DCAF6: variants seen among roughly 807,000 people sequenced by gnomAD.
The protein encoded by DCAF6 is DDB1 and CUL4 associated factor 6, also known as DDB1- and CUL4-associated factor 6.
DCAF6 carries 54 observed loss-of-function variants against 125.1 expected under a neutral mutation model. The observed-to-expected ratio is 0.43, with a 90% CI of 0.35 to 0.54. The LOEUF (loss-of-function observed/expected upper bound fraction) is 0.54. DCAF6 is among the 20% of genes least tolerant of loss of function. The probability of loss-of-function intolerance (pLI) is 0.01; values close to 1 mark genes in which losing one functional copy is unlikely to be tolerated. For synonymous variants in DCAF6, 371 were observed against 390.4 expected (o/e 0.95, Z 0.58); for missense variants, 934 against 1,161.7 (o/e 0.80, Z 2.85).
chr1:168,060,515 G>T (rs1691457874), intron 17 of DCAF6, among the ~76,000 whole-genome samples: 1 of 152,158 alleles, frequency 6.6e-6, no homozygotes, highest in African/African-American at 2.4e-5. Context: ...GAACATTTAT[G>T]CTTTGATACA....
chr1:168,005,541 A>G (rs865990861), intron 10 of DCAF6, among the ~76,000 whole-genome samples: 8 of 152,112 alleles, frequency 5.3e-5, no homozygotes, highest in Admixed American at 1.3e-4. Context: ...AACCAATAAG[A>G]TATTTATTCA....
At chr1:168,012,610 AT>A (rs1354781753) in intron 10 of DCAF6, among the ~76,000 whole-genome samples, 1 of 152,198 alleles carries the variant, frequency 6.6e-6, no homozygotes, top group East Asian at 1.9e-4. Flanking sequence ...CTGCTTTAAA[AT>A]TTCAAGCTGC....
chr1:168,065,200 A>C (rs1692169993), intron 18 of DCAF6, among the ~76,000 whole-genome samples: 2 of 152,196 alleles, frequency 1.3e-5, no homozygotes, highest in Non-Finnish European at 2.9e-5. Flanking sequence ...TAAATATAGT[A>C]TTGAACAAAG....
At chr1:167,965,236 C>T (rs1398851036) in intron 2 of DCAF6, among the ~76,000 whole-genome samples, 2 of 152,150 alleles carry the variant, frequency 1.3e-5, no homozygotes, top group South Asian at 2.1e-4. Flanking sequence ...AGAGCCTATA[C>T]GTCTGAACTG....
chr1:168,035,062 A>G lies in DCAF6; in HGVS notation c.1610-3309A>G, dbSNP rs369995569. On this transcript the variant is annotated intron_variant, in intron 12 of 21. Coordinates refer to ENST00000367840, the MANE Select transcript of DCAF6 (RefSeq NM_001198956.2). ...GAGAAAATGTAACCTGATAGGTTGT[A>G]TATGACCAAGCAAACTAGAATTAAA... Among the ~76,000 whole-genome samples the G allele has an allele frequency of 1.2e-4, 19 of 152,358 alleles. No individual in the cohort carries two copies. The East Asian group carries it at 1.3e-3, about 11-fold the overall frequency.
chr1:167,945,748 C>T (rs1353860305), intron 1 of DCAF6, among the ~76,000 whole-genome samples: 1 of 151,482 alleles, frequency 6.6e-6, no homozygotes, highest in Non-Finnish European at 1.5e-5. Context: ...GATCCACCCA[C>T]CTTGGCCTCC....
chr1:167,996,357 A>G (rs1005415886), intron 7 of DCAF6, among the ~76,000 whole-genome samples: 2 of 150,768 alleles, frequency 1.3e-5, no homozygotes, highest in Non-Finnish European at 3.0e-5. Context: ...TCATTCTTTC[A>G]TTTTCTTCTG....
At chr1:168,037,241 G>T (rs952338377) in intron 12 of DCAF6, among the ~76,000 whole-genome samples, 2 of 151,316 alleles carry the variant, frequency 1.3e-5, no homozygotes, top group Admixed American at 6.6e-5. Context: ...AATGAAAAAA[G>T]ATATAAGTCC....
At chr1:168,050,066 G>GAA (rs5778564) in intron 16 of DCAF6, among the ~76,000 whole-genome samples, 1,704 of 144,170 alleles carry the variant, frequency 0.012, 38 homozygotes, top group African/African-American at 0.038. Flanking sequence ...ATTACTCTCT[G>GAA]AAAAAAAAAA....
Position 168,004,412 on chromosome 1 carries a change from A to G in DCAF6, c.1118-121A>G, listed in dbSNP as rs1434892988. ...ATGGGCCAAATCACCAGTAGTTATT[A>G]TCACTGAAATTATATATTTGTGTGT... On this transcript the variant is annotated intron_variant, in intron 9 of 21. Coordinates refer to ENST00000367840, the MANE Select transcript of DCAF6 (RefSeq NM_001198956.2). The G allele has an allele frequency of 5.3e-6, 6 of 1,123,258 alleles. No homozygotes were observed. In the East Asian group the frequency reaches 9.6e-5, roughly 18 times the overall value. 69.6% of individuals were successfully genotyped at this position (1,123,258 alleles called of 1,614,324 possible). A position where few individuals can be genotyped will look rare whatever the true frequency, so the allele number is the denominator to read the frequency against.
chr1:167,914,748 C>A, the DCAF6 span, among the ~76,000 whole-genome samples: 2 of 152,144 alleles, frequency 1.3e-5, no homozygotes, highest in African/African-American at 2.4e-5. Context: ...TTATGTATAT[C>A]ATCACAACCA....
chr1:167,894,853 T>A, the DCAF6 span, among the ~76,000 whole-genome samples: 1 of 152,158 alleles, frequency 6.6e-6, no homozygotes, highest in African/African-American at 2.4e-5. Flanking sequence ...ATTCAACCAA[T>A]GAAATCCTGC....
At chr1:167,870,377 G>A in the DCAF6 span, 2 of 1,611,228 alleles carry the variant, frequency 1.2e-6, no homozygotes, top group Non-Finnish European at 1.7e-6. Context: ...TTTCTTCATA[G>A]TATACATGAA....
intron 10 of DCAF6, among the ~76,000 whole-genome samples, chr1:168,008,550 C>T (rs1366858888): frequency 2.0e-5 from 3 of 152,064 alleles, no homozygotes; most frequent in Non-Finnish European, 4.4e-5. Flanking sequence ...ATGTATTCTC[C>T]ATGCAGGAGC....
intron 4 of DCAF6, among the ~76,000 whole-genome samples, chr1:167,987,054 T>C (rs1265680647): frequency 6.6e-6 from 1 of 152,342 alleles, no homozygotes; most frequent in South Asian, 2.1e-4. Flanking sequence ...AGGTGAGTTA[T>C]GCACTTAAAT....
chr1:168,049,413 G>T (rs55637346), intron 16 of DCAF6, among the ~76,000 whole-genome samples: 3,691 of 97,342 alleles, frequency 0.038, 168 homozygotes, highest in African/African-American at 0.13. Flanking sequence ...CTGCTAATTT[G>T]TTGTTGTTGT....
At chr1:167,879,989 G>A in the DCAF6 span, 4 of 806,492 alleles carry the variant, frequency 5.0e-6, no homozygotes, top group East Asian at 1.1e-4. Flanking sequence ...GCTCCATCTG[G>A]AAGACTCTAA....
chr1:168,000,935 A>G (rs1210593137), intron 7 of DCAF6, among the ~76,000 whole-genome samples: 1 of 152,114 alleles, frequency 6.6e-6, no homozygotes, highest in Non-Finnish European at 1.5e-5. Context: ...CCTCTTTATG[A>G]ATATACACCA....
At chr1:167,903,212 T>C in the DCAF6 span, among the ~76,000 whole-genome samples, 1 of 151,740 alleles carries the variant, frequency 6.6e-6, no homozygotes, top group Non-Finnish European at 1.5e-5. Context: ...GCTGAGATCG[T>C]GCCACTGCAC....
Sources: allele counts gnomAD v4.1 joint callset (sites outside exome capture counted in the v4.1 genomes callset), GRCh38; gene constraint gnomAD v4.1.1; transcripts MANE v1.5; gene names NCBI Gene and HGNC (gene_info 2026-07-23, HGNC 2026-07-21).